Variants in IDO1 observed in about 807,000 individuals in gnomAD.
The protein encoded by IDO1 is indoleamine 2,3-dioxygenase 1, also known as indolamine 2,3 dioxygenase.
A neutral mutation model predicts 38.8 loss-of-function variants in IDO1; 35 were observed. That is an observed-to-expected ratio of 0.90 (90% CI 0.69 to 1.20). The LOEUF is 1.20. Among genes scored for constraint, IDO1 ranks in the 50% most tolerant of loss-of-function variants. IDO1 has a pLI of 0.00. For synonymous variants in IDO1, 171 were observed against 170.0 expected (o/e 1.01, Z -0.05); for missense variants, 509 against 485.1 (o/e 1.05, Z -0.46).
At chr8:39,924,613 C>T in intron 7 of IDO1, 108 bp from the exon 8 acceptor site, 1 of 724,050 alleles carries the variant, frequency 1.4e-6, no homozygotes, top group South Asian at 1.6e-5. Context: ...TGACCTAATG[C>T]CTTTTCCTGC....
chr8:39,924,656 C>T, intron 7 of IDO1, 65 bp from the exon 8 acceptor site: 2 of 1,181,098 alleles, frequency 1.7e-6, no homozygotes, highest in South Asian at 1.3e-5. Context: ...CAGTTGTACA[C>T]AACACCTTGA....
intron 5 of IDO1, 100 bp from the exon 6 acceptor site, chr8:39,922,452 C>T: frequency 6.5e-6 from 5 of 768,594 alleles, no homozygotes; most frequent in South Asian, 6.0e-5. Context: ...ACACCTCTCT[C>T]ATAAAATTAT....
At chr8:39,925,470 A>C in intron 9 of IDO1, 99 bp downstream of exon 9, 2 of 1,159,218 alleles carry the variant, frequency 1.7e-6, no homozygotes, top group Non-Finnish European at 2.4e-6. Flanking sequence ...ATCTGAGCTT[A>C]TCTGATAGTT....
intron 5 of IDO1, chr8:39,921,003 T>C (rs1807263436): frequency 6.6e-6 from 1 of 151,392 alleles, no homozygotes. Context: ...ATAAAAGGAG[T>C]GATGGGGGAA....
intron 1 of IDO1, among the ~76,000 whole-genome samples, 198 bp from the exon 2 acceptor site, chr8:39,917,677 G>A (rs1807194355): frequency 6.6e-6 from 1 of 152,212 alleles, no homozygotes; most frequent in Admixed American, 6.5e-5. Flanking sequence ...TGAAGAGAGA[G>A]GAAGAGGTGG....
At chr8:39,916,852 A>T (rs1807181590) in intron 1 of IDO1, among the ~76,000 whole-genome samples, 2 of 152,242 alleles carry the variant, frequency 1.3e-5, no homozygotes, top group Admixed American at 1.3e-4. Context: ...AATGATCATC[A>T]TTGTGCAGAA....
At chr8:39,926,015 GTC>G (rs1807353987) in intron 9 of IDO1, among the ~76,000 whole-genome samples, 1 of 151,630 alleles carries the variant, frequency 6.6e-6, no homozygotes, top group South Asian at 2.1e-4. Flanking sequence ...GTGAAACCCT[GTC>G]TCTACTAAAA....
rs757849719 is a variant in IDO1 at position 39,927,996 on chromosome 8, C to A, written c.1023C>A (p.Ser341=). The change falls in exon 10 of 10, where the codon TCC becomes TCA. Residue 341 remains serine (S), a synonymous_variant. Coordinates refer to ENST00000518237, the MANE Select transcript of IDO1 (RefSeq NM_002164.6). ...AYDACVKALV[S]LRSYHLQIVT... is the part of the protein sequence containing the mutation. ...ACGCCTGTGTGAAAGCTCTGGTCTC[C>A]CTGAGGAGCTACCATCTGCAAATCG... 6.2e-7 allele frequency: 1 copy of A among 1,605,512 alleles called. No homozygotes were observed. Among genetic ancestry groups the A allele is most frequent in the East Asian group, 2.2e-5 (1 of 44,694 alleles).
intron 5 of IDO1, 88 bp from the exon 6 acceptor site, chr8:39,922,464 T>A (rs1471656830): frequency 3.6e-6 from 3 of 833,566 alleles, no homozygotes; most frequent in Non-Finnish European, 6.1e-6. Flanking sequence ...TAAAATTATG[T>A]TGAAACTAAA....
At position 39,918,105 on chromosome 8, in the gene IDO1, T is replaced by C. The variant is rs772518234; in HGVS notation, c.201T>C (p.Ile67=). ...ERVEKLNMLS[I]DHLTDHKSQR... ...GTTTTCAGTTAAACATGCTCAGCAT[T>C]GATCATCTCACAGACCACAAGTCAC... Residue 67 remains isoleucine, a synonymous_variant, in exon 3 of 10, where the codon ATT becomes ATC. Transcript: ENST00000518237. The C allele has an allele frequency of 1.9e-6, 3 of 1,614,008 alleles. No homozygotes were observed. Among genetic ancestry groups the C allele is most frequent in the South Asian group, 1.1e-5 (1 of 91,090 alleles).
chr8:39,914,956 G>A (rs1210091189), intron 1 of IDO1, among the ~76,000 whole-genome samples: 4 of 151,974 alleles, frequency 2.6e-5, no homozygotes, highest in African/African-American at 7.3e-5. Context: ...TAGTAGAGAC[G>A]GGGTTTCACC....
At chr8:39,925,138 C>T in intron 8 of IDO1, 85 bp from the exon 9 acceptor site, 2 of 1,263,166 alleles carry the variant, frequency 1.6e-6, no homozygotes, top group South Asian at 3.2e-5. Flanking sequence ...ACCTTCTGTT[C>T]AGCACTAGTG....
chr8:39,920,155 T>C, intron 5 of IDO1, 41 bp downstream of exon 5: 1 of 1,527,250 alleles, frequency 6.5e-7, no homozygotes, highest in East Asian at 2.3e-5. Flanking sequence ...AATTATTTGT[T>C]ACTTATAGTT....
chr8:39,924,553 G>A (rs957693839), intron 7 of IDO1, among the ~76,000 whole-genome samples, 168 bp from the exon 8 acceptor site: 14 of 152,126 alleles, frequency 9.2e-5, no homozygotes, highest in Admixed American at 9.2e-4. Context: ...CTTCCTGGAA[G>A]AGGGTAGGAA....
chr8:39,922,580 G>T lies in IDO1; in HGVS notation c.466G>T (p.Asp156Tyr). The change falls in exon 6 of 10, where the codon GAT becomes TAT. Residue 156 changes from aspartate to tyrosine, a missense_variant. Transcript: ENST00000518237. ...CATGGACGTTTTGTTCTCATTTCGT[G>T]ATGGAGACTGCAGTAAAGGATTCTT... ...ENMDVLFSFR[D>Y]GDCSKGFFLV... 6.2e-7 allele frequency: 1 copy of T among 1,613,550 alleles called. No homozygotes were observed. The highest frequency in any genetic ancestry group is 8.5e-7 in the Non-Finnish European group (1 of 1,179,536).
intron 9 of IDO1, among the ~76,000 whole-genome samples, chr8:39,926,676 T>G (rs1474371964): frequency 6.6e-6 from 1 of 152,130 alleles, no homozygotes; most frequent in Non-Finnish European, 1.5e-5. Flanking sequence ...TTTTAAAATT[T>G]TTTTATCATA....
chr8:39,928,078 G>C lies in IDO1; in HGVS notation c.1105G>C (p.Glu369Gln), dbSNP rs1369002348. 1 of 1,613,024 alleles carries C rather than the reference G, an allele frequency of 6.2e-7. No individual in the cohort carries two copies. Among genetic ancestry groups the C allele is most frequent in the Admixed American group, 1.7e-5 (1 of 59,890 alleles). Residue 369 changes from glutamate (E) to glutamine (Q), a missense_variant, in exon 10 of 10, where the codon GAA (glutamate) becomes CAA (glutamine). Physicochemically the swap from Glu to Gln is conservative, Grantham distance 29. Transcript: ENST00000518237. ...GCAGCCAAAGGAGAATAAGACCTCTGAAGACCCTTCAAAACTGGAAGCCAA... is the reference window on the plus strand; with the variant it reads ...GCAGCCAAAGGAGAATAAGACCTCTCAAGACCCTTCAAAACTGGAAGCCAA... ...SQQPKENKTSEDPSKLEAKGT... is the reference protein window; with the variant it reads ...SQQPKENKTSQDPSKLEAKGT...
Position 39,928,534 on chromosome 8 carries a change from C to T in IDO1, c.*349C>T, listed in dbSNP as rs372492160. On this transcript the variant is annotated 3_prime_UTR_variant, in exon 10 of 10. Transcript: ENST00000518237. ...GGATCACAAGGTCAGGAGATCGAGA[C>T]CATCTTGGCTAACACGGTGAAACCC... is the stretch of plus-strand genomic sequence containing the variant. The T allele has an allele frequency of 4.1e-4, 69 of 168,882 alleles. No homozygotes were observed. The East Asian group carries it at 8.8e-3, about 22-fold the overall frequency. The allele number at this position is 168,882 out of a possible 1,614,324, so 10.5% of individuals were successfully genotyped here.
chr8:39,921,753 A>G (rs1209859354), intron 5 of IDO1, among the ~76,000 whole-genome samples: 4 of 152,218 alleles, frequency 2.6e-5, no homozygotes, highest in Non-Finnish European at 5.9e-5. Flanking sequence ...ACTTCAATTA[A>G]AAAGAAAAAC....
Sources: allele counts gnomAD v4.1 joint callset (sites outside exome capture counted in the v4.1 genomes callset), GRCh38; gene constraint gnomAD v4.1.1; transcripts MANE v1.5; gene names NCBI Gene and HGNC (gene_info 2026-07-23, HGNC 2026-07-21).